SLC6A17: variants seen among roughly 807,000 people sequenced by gnomAD.
SLC6A17 encodes solute carrier family 6 member 17.
In SLC6A17, 21 loss-of-function variants were observed where a neutral mutation model predicts 64.5. The ratio of observed to expected loss-of-function variants is 0.33; its 90% CI spans 0.23 to 0.47. The LOEUF (loss-of-function observed/expected upper bound fraction) is 0.47, where lower values mean the gene tolerates loss of function less well. Among genes scored for constraint, SLC6A17 ranks in the 20% least tolerant of loss-of-function variants. SLC6A17 has a pLI of 1.00. For missense variants in SLC6A17, 682 were observed against 963.2 expected, an observed-to-expected ratio of 0.71 and a Z score of 3.86; for synonymous variants, 372 against 399.5, an observed-to-expected ratio of 0.93 and a Z score of 0.82.
Position 110,192,059 on chromosome 1 carries a change from G to T in SLC6A17, c.952G>T (p.Ala318Ser). 6.2e-7 allele frequency: 1 copy of T among 1,614,192 alleles called. No homozygotes were observed. The highest frequency in any genetic ancestry group is 1.1e-5 in the South Asian group (1 of 91,080). ...ALGLGFGGVIAFSSYNKQDNN... is the reference protein window; with the variant it reads ...ALGLGFGGVISFSSYNKQDNN... ...GGGCCTGGGCTTTGGTGGTGTCATTGCCTTCTCCAGCTACAATAAGCAGGA... is the reference window on the plus strand; with the variant it reads ...GGGCCTGGGCTTTGGTGGTGTCATTTCCTTCTCCAGCTACAATAAGCAGGA... The change falls in exon 7 of 12, where the codon GCC (alanine) becomes TCC (serine). Residue 318 changes from alanine to serine, a missense_variant. By Grantham distance (99) the Ala-to-Ser change is moderately conservative. Transcript: ENST00000331565. This position sits in a 1 kb window ranked among gnomAD's most constrained non-coding sequence, Gnocchi z 4.3.
intron 8 of SLC6A17, 85 bp from the exon 9 acceptor site, chr1:110,194,494 A>C: frequency 6.9e-7 from 1 of 1,440,404 alleles, no homozygotes; most frequent in Non-Finnish European, 9.5e-7. Context: ...AGTTATTCCA[A>C]AAGTTTGAAG....
At chr1:110,197,190 T>A (rs890155591) in intron 10 of SLC6A17, among the ~76,000 whole-genome samples, 2 of 152,172 alleles carry the variant, frequency 1.3e-5, no homozygotes, top group East Asian at 1.9e-4. Flanking sequence ...CCAGGGTGTG[T>A]CTGGTGGGCC....
chr1:110,197,581 C>A lies in SLC6A17; in HGVS notation c.1797C>A (p.Ser599Arg). 1 of 1,604,382 alleles carries A rather than the reference C, an allele frequency of 6.2e-7. No homozygotes were observed. The highest frequency in any genetic ancestry group is 8.5e-7 in the Non-Finnish European group (1 of 1,175,870). Residue 599 changes from serine (S) to arginine (R), a missense_variant, in exon 11 of 12, where the codon AGC becomes AGA. Ser to Arg is a moderately radical substitution (Grantham distance 110). Around this residue, in one of 3 missense-constraint regions of SLC6A17, gnomAD observed 264 missense variants for 339.5 expected, o/e 0.78. Transcript: ENST00000331565. ...IQLGVTPPGY[S>R]AWIKEEAAER... Reference sequence around the variant, plus strand: ...TGGGGGTCACGCCCCCGGGCTACAGCGCCTGGATCAAGGAGGAGGTGAGGG... The same window carrying A: ...TGGGGGTCACGCCCCCGGGCTACAGAGCCTGGATCAAGGAGGAGGTGAGGG...
rs775258138 is a variant in SLC6A17, at chr1:110,194,727, C to T, written c.1448C>T (p.Thr483Met). ...SMIGTMAGITTPIIDTFKVPK... is the reference protein window; with the variant it reads ...SMIGTMAGITMPIIDTFKVPK... ...ATCGGGACCATGGCAGGCATCACCA[C>T]GCCCATCATCGACACCTTCAAGGTG... The change falls in exon 9 of 12, where the codon ACG becomes ATG. Residue 483 changes from threonine (T) to methionine (M), a missense_variant. By Grantham distance (81) the Thr-to-Met change is moderately conservative. Transcript: ENST00000331565. 5.0e-6 allele frequency: 8 copies of T among 1,614,040 alleles called. No individual in the cohort carries two copies. The highest frequency in any genetic ancestry group is 4.5e-5 in the East Asian group (2 of 44,894).
Position 110,176,831 on chromosome 1 carries a change from C to G in SLC6A17, c.864+92C>G, listed in dbSNP as rs1570990979. ...GCAATTTCATGGAATTTAATGCACT[C>G]CGAACACCTGCTATGTGTTGGGTAT... On this transcript the variant is annotated intron_variant, in intron 6 of 11. Transcript: ENST00000331565. The G allele has an allele frequency of 2.6e-5, 29 of 1,095,516 alleles. 1 individual carries two copies. In the East Asian group the frequency reaches 6.9e-4, roughly 26 times the overall value. The allele number at this position is 1,095,516 out of a possible 1,614,324, so 67.9% of individuals were successfully genotyped here. A position where few individuals can be genotyped will look rare whatever the true frequency, so the allele number is the denominator to read the frequency against.
intron 1 of SLC6A17, among the ~76,000 whole-genome samples, chr1:110,160,035 A>G (rs1655865976): frequency 1.3e-5 from 2 of 152,244 alleles, no homozygotes; most frequent in South Asian, 2.1e-4. Flanking sequence ...GAAATGGAAT[A>G]AAAAGAAATC....
intron 2 of SLC6A17, among the ~76,000 whole-genome samples, chr1:110,169,961 G>T (rs1656174578): frequency 6.6e-6 from 1 of 152,180 alleles, no homozygotes; most frequent in Non-Finnish European, 1.5e-5. Flanking sequence ...TCACTTCAGG[G>T]CCTGGCGGCC....
At chr1:110,187,417 G>A (rs778821152) in intron 6 of SLC6A17, among the ~76,000 whole-genome samples, 5 of 152,190 alleles carry the variant, frequency 3.3e-5, no homozygotes, top group Non-Finnish European at 7.3e-5. Flanking sequence ...GGTTCGAGCA[G>A]TTGACCACAT....
At chr1:110,197,358 C>T in intron 10 of SLC6A17, 79 bp from the exon 11 acceptor site, 1 of 1,527,910 alleles carries the variant, frequency 6.5e-7, no homozygotes, top group Non-Finnish European at 8.8e-7. Flanking sequence ...CGAAGACTTT[C>T]TGGAGGAGAT....
chr1:110,169,233 T>G (rs1390080696), intron 2 of SLC6A17, among the ~76,000 whole-genome samples: 1 of 152,210 alleles, frequency 6.6e-6, no homozygotes, highest in East Asian at 1.9e-4. Flanking sequence ...AATGTTGACA[T>G]CTTCCTAGTT....
At chr1:110,161,945 A>G (rs1197256251) in intron 1 of SLC6A17, among the ~76,000 whole-genome samples, 1 of 151,948 alleles carries the variant, frequency 6.6e-6, no homozygotes, top group Non-Finnish European at 1.5e-5. Context: ...CAGTCACACT[A>G]TTTTTTCTCC....
chr1:110,153,554 T>C (rs188298860), intron 1 of SLC6A17, among the ~76,000 whole-genome samples: 1 of 151,474 alleles, frequency 6.6e-6, no homozygotes, highest in East Asian at 2.0e-4. Context: ...TGTGTGTGCA[T>C]TGCATTCACC....
rs375778106 is a variant in SLC6A17, at chr1:110,172,146, C to T, written c.373C>T (p.Arg125Cys). 36 of 1,613,630 alleles carry T rather than the reference C, an allele frequency of 2.2e-5. No homozygotes were observed. Among genetic ancestry groups the T allele is most frequent in the South Asian group, 2.2e-4 (20 of 90,940 alleles). ...GGAGCTGGCTGTGGGTCAGAGGATCCGCCGCGGCAGCATCGGTGTGTGGCA... is the reference window on the plus strand; with the variant it reads ...GGAGCTGGCTGTGGGTCAGAGGATCTGCCGCGGCAGCATCGGTGTGTGGCA... ...FLELAVGQRI[R>C]RGSIGVWHYI... is the part of the protein sequence containing the mutation. Residue 125 changes from arginine (R) to cysteine (C), a missense_variant, in exon 3 of 12, where the codon CGC becomes TGC. Physicochemically the swap from Arg to Cys is radical, Grantham distance 180. Transcript: ENST00000331565.
chr1:110,177,133 G>A (rs779948167), intron 6 of SLC6A17, among the ~76,000 whole-genome samples: 1 of 152,178 alleles, frequency 6.6e-6, no homozygotes, highest in Non-Finnish European at 1.5e-5. Context: ...AGAGCAGGGA[G>A]CTTCATTCAT....
At chr1:110,158,468 G>T (rs1294255819) in intron 1 of SLC6A17, among the ~76,000 whole-genome samples, 1 of 152,192 alleles carries the variant, frequency 6.6e-6, no homozygotes, top group East Asian at 1.9e-4. Flanking sequence ...TCCTGGCTAA[G>T]CCCATTTCCC....
chr1:110,180,246 G>T (rs1214915953), intron 6 of SLC6A17, among the ~76,000 whole-genome samples: 3 of 152,340 alleles, frequency 2.0e-5, no homozygotes, highest in Non-Finnish European at 4.4e-5. Flanking sequence ...CTGAAGGCCA[G>T]GTGGCAAGAG....
At chr1:110,196,621 T>G (rs1656977025) in intron 10 of SLC6A17, among the ~76,000 whole-genome samples, 1 of 152,186 alleles carries the variant, frequency 6.6e-6, no homozygotes, top group Non-Finnish European at 1.5e-5. Flanking sequence ...TTTAAATGCA[T>G]AAGATAAAAT....
At chr1:110,182,043 A>T (rs1656540154) in intron 6 of SLC6A17, among the ~76,000 whole-genome samples, 1 of 152,158 alleles carries the variant, frequency 6.6e-6, no homozygotes. Flanking sequence ...TGGCTTCTGT[A>T]GAAAATCTGA....
In SLC6A17 at chr1:110,198,384, C is replaced by T; in HGVS notation, c.2124C>T (p.Asn708=). 1 of 1,614,066 alleles carries T rather than the reference C, an allele frequency of 6.2e-7. No homozygotes were observed. Among genetic ancestry groups the T allele is most frequent in the Non-Finnish European group, 8.5e-7 (1 of 1,180,024 alleles). Residue 708 remains asparagine, a synonymous_variant, in exon 12 of 12, where the codon AAC becomes AAT. Coordinates refer to ENST00000331565, the MANE Select transcript of SLC6A17 (RefSeq NM_001010898.4). ...CATCACCCCTGGAGACCAGCGGTAA[C>T]CCCAATGGACGCTATGGGAGCGGCT... The part of the protein sequence containing the change: ...GSTSPLETSG[N]PNGRYGSGYL...
Sources: gnomAD v4.1 joint callset for allele counts (sites outside exome capture counted in the v4.1 genomes callset) on GRCh38, gnomAD v4.1.1 for gene constraint, gnomAD v4.1.1 regional missense constraint, Gnocchi (gnomAD v3.1) non-coding constraint, MANE v1.5 for transcripts, NCBI Gene and HGNC (gene_info 2026-07-23, HGNC 2026-07-21) for gene names.